The following PPFIA1 variants were observed in gnomAD, a reference collection of about 807,000 sequenced individuals.
PPFIA1 encodes liprin-alpha-1.
PPFIA1 carries 25 observed loss-of-function variants against 149.9 expected under a neutral mutation model. The observed-to-expected ratio is 0.17, with a 90% CI of 0.12 to 0.23. The LOEUF (loss-of-function observed/expected upper bound fraction) is 0.23, where lower values mean the gene tolerates loss of function less well. Ranked by LOEUF, PPFIA1 falls within the 10% of genes least tolerant of loss-of-function variation. PPFIA1 has a pLI of 1.00. For synonymous variants in PPFIA1, 549 were observed against 552.8 expected (o/e 0.99, Z 0.10); for missense variants, 1,362 against 1,506.5 (o/e 0.90, Z 1.59).
intron 18 of PPFIA1, 40 bp downstream of exon 18, chr11:70,355,851 C>G: frequency 6.3e-7 from 1 of 1,575,322 alleles, no homozygotes; most frequent in South Asian, 1.2e-5. Flanking sequence ...ACCCAGGGGT[C>G]GGGGAGGAAG....
rs547300980 is a variant in PPFIA1, at chr11:70,383,153, C to G, written c.*163C>G. On this transcript the variant is annotated 3_prime_UTR_variant, in exon 28 of 28. Coordinates refer to ENST00000253925, the MANE Select transcript of PPFIA1 (RefSeq NM_003626.5). ...CAGAGTTTTTAATTAGTGAAAAATT[C>G]ATGAATACCATAGAGAAAATATTTT... The G allele has an allele frequency of 8.1e-5, 29 of 359,586 alleles. No individual in the cohort carries two copies. The East Asian group carries it at 3.5e-3, about 43-fold the overall frequency. 22.3% of individuals were successfully genotyped at this position (359,586 alleles called of 1,614,324 possible). A position where few individuals can be genotyped will look rare whatever the true frequency, so the allele number is the denominator to read the frequency against.
At chr11:70,297,866 A>G (rs2052186415) in intron 2 of PPFIA1, among the ~76,000 whole-genome samples, 4 of 152,196 alleles carry the variant, frequency 2.6e-5, no homozygotes, top group African/African-American at 7.2e-5. Flanking sequence ...TTTCCTCAAG[A>G]GTGGACCATT....
rs1242763020 is a variant in PPFIA1 at position 70,362,271 on chromosome 11, C to G, written c.2665-17C>G. On this transcript the variant is annotated splice_polypyrimidine_tract_variant and intron_variant, in intron 20 of 27. Coordinates refer to ENST00000253925, the MANE Select transcript of PPFIA1 (RefSeq NM_003626.5). ...TGTACCTCACTGTGCTGCCTTCCTT[C>G]CGCTTTCCGCCTCCAGCTCTGGGTT... 3.1e-6 allele frequency: 5 copies of G among 1,613,826 alleles called. No homozygotes were observed. The highest frequency in any genetic ancestry group is 1.7e-5 in the Admixed American group (1 of 60,000).
intron 14 of PPFIA1, among the ~76,000 whole-genome samples, chr11:70,342,531 C>T (rs2055398260): frequency 6.6e-6 from 1 of 152,220 alleles, no homozygotes. Flanking sequence ...GCATACACTG[C>T]CATTCTTGAG....
intron 26 of PPFIA1, among the ~76,000 whole-genome samples, chr11:70,380,449 C>T (rs1353554468): frequency 6.6e-6 from 1 of 151,422 alleles, no homozygotes; most frequent in East Asian, 1.9e-4. Flanking sequence ...CGGTGGCAGG[C>T]GCCTGTAGTA....
chr11:70,298,789 C>T (rs570251004), intron 2 of PPFIA1, among the ~76,000 whole-genome samples: 5 of 152,172 alleles, frequency 3.3e-5, no homozygotes, highest in Non-Finnish European at 4.4e-5. Flanking sequence ...TTACGATTCT[C>T]TTAGAAGTTT....
chr11:70,284,176 TC>T, intron 2 of PPFIA1: 1 of 416,516 alleles, frequency 2.4e-6, no homozygotes, highest in Non-Finnish European at 4.7e-6. Flanking sequence ...AAATGACTCT[TC>T]CCTGAGAATA....
intron 2 of PPFIA1, among the ~76,000 whole-genome samples, chr11:70,313,720 TGAGCTCAGTGTGGACA>T (rs578202406): frequency 6.6e-5 from 10 of 152,284 alleles, no homozygotes; most frequent in South Asian, 2.1e-4. Flanking sequence ...AAGATGATGA[TGAGCTCAGTGTGGACA>T]AAGGTTTTTG....
chr11:70,362,288 C>T lies in PPFIA1; in HGVS notation c.2665C>T (p.Leu889Phe). The change falls in exon 21 of 28, where the codon CTC becomes TTC. Residue 889 changes from leucine to phenylalanine, a missense_variant and splice_region_variant. Transcript: ENST00000253925. ...DGPTVVVWLE[L>F]WVGMPAWYVA... The stretch of plus-strand genomic sequence containing the variant: ...CCTTCCTTCCGCTTTCCGCCTCCAG[C>T]TCTGGGTTGGGATGCCAGCCTGGTA... 6.2e-7 allele frequency: 1 copy of T among 1,614,060 alleles called. No individual in the cohort carries two copies. The highest frequency in any genetic ancestry group is 1.1e-5 in the South Asian group (1 of 91,060).
At chr11:70,308,134 C>T (rs2052993886) in intron 2 of PPFIA1, among the ~76,000 whole-genome samples, 2 of 152,202 alleles carry the variant, frequency 1.3e-5, no homozygotes, top group African/African-American at 2.4e-5. Flanking sequence ...CCGCAACCTT[C>T]GCCTCCTGGG....
chr11:70,342,936 C>CTTTTTGTT (rs2055428002), intron 14 of PPFIA1, among the ~76,000 whole-genome samples: 1 of 78,172 alleles, frequency 1.3e-5, no homozygotes, highest in African/African-American at 6.2e-5. Context: ...AATGTACCAC[C>CTTTTTGTT]TTTTTTTTTT....
chr11:70,334,859 G>A (rs1016582258), intron 10 of PPFIA1, among the ~76,000 whole-genome samples: 1 of 152,228 alleles, frequency 6.6e-6, no homozygotes, highest in African/African-American at 2.4e-5. Context: ...GCACTTGGGC[G>A]ATGAGGGCAT....
Position 70,324,915 on chromosome 11 carries a change from G to C in PPFIA1, c.435G>C (p.Lys145Asn). The C allele has an allele frequency of 6.2e-7, 1 of 1,613,942 alleles. No homozygotes were observed. The highest frequency in any genetic ancestry group is 8.5e-7 in the Non-Finnish European group (1 of 1,179,876). ...GGTCTCTTAGGATGACCGTGGTGAA[G>C]AGACAAGCGCAGTCTCCAGCAGGCG... is the stretch of plus-strand genomic sequence containing the variant. Reference protein sequence around the residue: ...HERSLRMTVVKRQAQSPAGVS... With the variant: ...HERSLRMTVVNRQAQSPAGVS... Residue 145 changes from lysine (K) to asparagine (N), a missense_variant, in exon 4 of 28, where the codon AAG becomes AAC. Transcript: ENST00000253925.
intron 2 of PPFIA1, among the ~76,000 whole-genome samples, chr11:70,291,185 C>A (rs901546186): frequency 6.6e-6 from 1 of 152,150 alleles, no homozygotes; most frequent in South Asian, 2.1e-4. Context: ...CACGCCCAGC[C>A]GATCTCTTGA....
intron 2 of PPFIA1, among the ~76,000 whole-genome samples, chr11:70,276,252 G>A (rs576881090): frequency 2.7e-5 from 4 of 149,406 alleles, no homozygotes; most frequent in Non-Finnish European, 5.9e-5. Context: ...AATTATAGAC[G>A]CACGCCACTG....
intron 21 of PPFIA1, chr11:70,364,603 A>G (rs1488824095): frequency 6.6e-6 from 1 of 152,106 alleles, no homozygotes; most frequent in African/African-American, 2.4e-5. Flanking sequence ...TTAATGAACA[A>G]ATTATGGTGA....
rs748821982 is a variant in PPFIA1 at position 70,376,585 on chromosome 11, T to C, written c.3369T>C (p.Asp1123=). 1.5e-5 allele frequency: 24 copies of C among 1,613,468 alleles called. No individual in the cohort carries two copies. The highest frequency in any genetic ancestry group is 3.3e-5 in the Admixed American group (2 of 60,006). The change falls in exon 25 of 28, where the codon GAT becomes GAC. Residue 1123 remains aspartate (D), a synonymous_variant. Transcript: ENST00000253925. The part of the protein sequence containing the change: ...EFNNLLVMGT[D]RRFDEDDDKS... ...ACAACCTTTTGGTCATGGGGACTGA[T>C]AGAAGGTTTGATGAAGTAAGTTTTT...
intron 2 of PPFIA1, among the ~76,000 whole-genome samples, chr11:70,287,757 C>T (rs2051246229): frequency 6.6e-6 from 1 of 151,984 alleles, no homozygotes; most frequent in South Asian, 2.1e-4. Context: ...AGTCCTCCCA[C>T]TTCAGCCTGT....
In PPFIA1 at chr11:70,355,687, CAGT is replaced by C; in HGVS notation, c.2367_2369del (p.Ser790del). 1 of 1,614,004 alleles carries C rather than the reference CAGT, an allele frequency of 6.2e-7. No homozygotes were observed. Among genetic ancestry groups the C allele is most frequent in the Non-Finnish European group, 8.5e-7 (1 of 1,179,958 alleles). On this transcript the variant is annotated inframe_deletion, in exon 18 of 28. Transcript: ENST00000253925. ...CCGTGAGCAACCCCAGCAGTAGCAA[CAGT>C]AGCCAGGACTCGCTCCACAAAGCCC...
Sources: allele counts gnomAD v4.1 joint callset (sites outside exome capture counted in the v4.1 genomes callset), GRCh38; gene constraint gnomAD v4.1.1; transcripts MANE v1.5; gene names NCBI Gene and HGNC (gene_info 2026-07-23, HGNC 2026-07-21).